TMIGD3: variants seen among roughly 807,000 people sequenced by gnomAD.
TMIGD3 encodes the protein AD026 protein (AD026).
In TMIGD3, 21 loss-of-function variants were observed where a neutral mutation model predicts 28.1. The observed-to-expected ratio is 0.75, with a 90% CI of 0.53 to 1.08. The LOEUF is 1.08. TMIGD3 is among the 50% of genes least tolerant of loss of function. The pLI is 0.00. For missense variants in TMIGD3, 416 were observed against 435.6 expected (o/e 0.96, Z 0.40); for synonymous variants, 151 against 162.1 (o/e 0.93, Z 0.52).
intron 1 of TMIGD3, among the ~76,000 whole-genome samples, chr1:111,562,009 A>G (rs1397921282): frequency 6.6e-6 from 1 of 152,066 alleles, no homozygotes; most frequent in African/African-American, 2.4e-5. Flanking sequence ...CAAACCCTCC[A>G]CACTCTGAAC....
chr1:111,486,643 C>T lies in TMIGD3; in HGVS notation c.815G>A (p.Gly272Asp). The change falls in exon 4 of 6, where the codon GGC (glycine) becomes GAC (aspartate). Residue 272 changes from glycine to aspartate, a missense_variant. Gly to Asp is a moderately conservative substitution (Grantham distance 94). Transcript: ENST00000369716. ...NDFWSGKDLS[G>D]NKTRSCKAPK... Reference sequence around the variant, plus strand: ...AGCCTTGCAGCTTCTGGTTTTGTTGCCTGATAGGTCTGAATCAGAAAGGAT... The same window carrying T: ...AGCCTTGCAGCTTCTGGTTTTGTTGTCTGATAGGTCTGAATCAGAAAGGAT... The T allele has an allele frequency of 1.2e-6, 2 of 1,613,798 alleles. No individual in the cohort carries two copies. Among genetic ancestry groups the T allele is most frequent in the East Asian group, 2.2e-5 (1 of 44,854 alleles).
chr1:111,486,489 C>A (rs567483644), intron 4 of TMIGD3, 97 bp downstream of exon 4: 8 of 858,006 alleles, frequency 9.3e-6, no homozygotes, highest in Non-Finnish European at 1.4e-5. Flanking sequence ...GAAAAGTTGT[C>A]GGTGCAAATC....
chr1:111,492,874 T>C (rs1654732885), intron 1 of TMIGD3, among the ~76,000 whole-genome samples: 1 of 151,026 alleles, frequency 6.6e-6, no homozygotes, highest in Admixed American at 6.6e-5. Flanking sequence ...CTACAGAGAA[T>C]GAATGATGTG....
intron 1 of TMIGD3, among the ~76,000 whole-genome samples, chr1:111,524,028 C>CTTT (rs35046603): frequency 9.2e-6 from 1 of 108,790 alleles, no homozygotes; most frequent in East Asian, 2.6e-4. Flanking sequence ...TCTTTCTTTT[C>CTTT]TTTTTTTTTT....
At chr1:111,491,294 G>C (rs1654647111) in intron 1 of TMIGD3, among the ~76,000 whole-genome samples, 1 of 152,260 alleles carries the variant, frequency 6.6e-6, no homozygotes, top group South Asian at 2.1e-4. Context: ...GGAAGTGTGG[G>C]TGGCCGCAGT....
Position 111,503,515 on chromosome 1 carries a change from G to A in TMIGD3, c.-161C>T. 1 of 1,432,466 alleles carries A rather than the reference G, an allele frequency of 7.0e-7. No individual in the cohort carries two copies. Among genetic ancestry groups the A allele is most frequent in the South Asian group, 1.5e-5 (1 of 67,146 alleles). The allele number at this position is 1,432,466 out of a possible 1,614,324, so 88.7% of individuals were successfully genotyped here. On this transcript the variant is annotated 5_prime_UTR_variant, in exon 1 of 6. Coordinates refer to ENST00000369716, the MANE Select transcript of TMIGD3 (RefSeq NM_020683.7). ...CATTCCTACCCTTTTCTGGTGGGGTGATCTCTTGGAAACCCTTCTCCTTAG... is the reference window on the plus strand; with the variant it reads ...CATTCCTACCCTTTTCTGGTGGGGTAATCTCTTGGAAACCCTTCTCCTTAG...
chr1:111,547,908 C>T (rs1160542049), intron 1 of TMIGD3, among the ~76,000 whole-genome samples: 1 of 152,216 alleles, frequency 6.6e-6, no homozygotes, highest in African/African-American at 2.4e-5. Context: ...TTCTTTGGCC[C>T]TCCAGAAAGT....
chr1:111,506,900 ATATATATATATAT>A (rs1358346542), upstream of TMIGD3, among the ~76,000 whole-genome samples: 2 of 113,358 alleles, frequency 1.8e-5, no homozygotes, highest in African/African-American at 7.4e-5. Context: ...AACAAAAAAT[ATATATATATATAT>A]TATATATATA....
intron 1 of TMIGD3, among the ~76,000 whole-genome samples, chr1:111,562,103 C>G (rs2101048721): frequency 6.6e-6 from 1 of 152,272 alleles, no homozygotes; most frequent in Non-Finnish European, 1.5e-5. Flanking sequence ...GTCTCCAGGT[C>G]TTTGCTTGTG....
At chr1:111,485,891 G>T in intron 4 of TMIGD3, 51 bp from the exon 5 acceptor site, 3 of 1,424,840 alleles carry the variant, frequency 2.1e-6, no homozygotes, top group South Asian at 2.4e-5. Context: ...ACTGCCTATT[G>T]ATTCTCAGCT....
intron 5 of TMIGD3, among the ~76,000 whole-genome samples, chr1:111,484,465 C>T (rs1318429679): frequency 1.3e-5 from 2 of 152,200 alleles, no homozygotes; most frequent in Non-Finnish European, 2.9e-5. Flanking sequence ...ACCTAGACTA[C>T]AATTGTGTCC....
At chr1:111,502,066 G>C (rs1430632934) in intron 1 of TMIGD3, among the ~76,000 whole-genome samples, 1 of 130,776 alleles carries the variant, frequency 7.6e-6, no homozygotes, top group East Asian at 2.1e-4. Context: ...AAATATATAG[G>C]ATATATATAT....
chr1:111,559,012 C>A (rs1657626731), intron 1 of TMIGD3, among the ~76,000 whole-genome samples: 2 of 152,058 alleles, frequency 1.3e-5, no homozygotes, highest in Admixed American at 1.3e-4. Flanking sequence ...TTCCCAGAGA[C>A]CAAGTTCTCT....
chr1:111,509,575 G>C (rs1413746792), intron 1 of TMIGD3, among the ~76,000 whole-genome samples: 1 of 152,140 alleles, frequency 6.6e-6, no homozygotes, highest in Non-Finnish European at 1.5e-5. Flanking sequence ...GTTTACAGTA[G>C]GGCAATGTCC....
intron 1 of TMIGD3, among the ~76,000 whole-genome samples, chr1:111,545,720 C>T (rs1657011554): frequency 6.6e-6 from 1 of 152,150 alleles, no homozygotes; most frequent in South Asian, 2.1e-4. Context: ...CAGAGATTTA[C>T]ACCTGTTTCC....
intron 3 of TMIGD3, 95 bp from the exon 4 acceptor site, chr1:111,486,747 G>T: frequency 4.9e-6 from 5 of 1,028,636 alleles, no homozygotes; most frequent in Non-Finnish European, 6.1e-6. Flanking sequence ...TCTATGTCCA[G>T]AGAGTGAGTC....
At chr1:111,486,739 T>G in intron 3 of TMIGD3, 87 bp from the exon 4 acceptor site, 1 of 1,146,768 alleles carries the variant, frequency 8.7e-7, no homozygotes, top group East Asian at 2.4e-5. Flanking sequence ...CCTGTCATTC[T>G]ATGTCCAGAG....
intron 1 of TMIGD3, among the ~76,000 whole-genome samples, chr1:111,498,153 TGG>T (rs1654978471): frequency 6.6e-6 from 1 of 152,186 alleles, no homozygotes; most frequent in Non-Finnish European, 1.5e-5. Context: ...AAGATAAATT[TGG>T]TTATCAGGCT....
chr1:111,544,530 G>A (rs1465742721), intron 1 of TMIGD3, among the ~76,000 whole-genome samples: 1 of 152,084 alleles, frequency 6.6e-6, no homozygotes. Flanking sequence ...AACATGCATT[G>A]TATCAGTATA....
Sources: gnomAD v4.1 joint callset for allele counts (sites outside exome capture counted in the v4.1 genomes callset) on GRCh38, gnomAD v4.1.1 for gene constraint, MANE v1.5 for transcripts, NCBI Gene and HGNC (gene_info 2026-07-23, HGNC 2026-07-21) for gene names.